CSMD1: variants seen among roughly 807,000 people sequenced by gnomAD.
The protein encoded by CSMD1 is CUB and sushi domain-containing protein 1.
A neutral mutation model predicts 417.5 loss-of-function variants in CSMD1; 213 were observed. The observed-to-expected ratio is 0.51, with a 90% CI of 0.46 to 0.57. The LOEUF is 0.57. CSMD1 is among the 20% of genes least tolerant of loss of function. CSMD1 has a pLI of 0.00. For synonymous variants in CSMD1, 2,862 were observed against 1,736.8 expected, an observed-to-expected ratio of 1.65 and a Z score of -16.11; for missense variants, 6,923 against 4,529.7, an observed-to-expected ratio of 1.53 and a Z score of -15.17.
chr8:3,799,272 G>A (rs1053659981), intron 5 of CSMD1, among the ~76,000 whole-genome samples: 3 of 151,128 alleles, frequency 2.0e-5, no homozygotes, highest in Non-Finnish European at 4.4e-5. Context: ...TATACTTTAA[G>A]TTCTAGGGTA....
intron 7 of CSMD1, among the ~76,000 whole-genome samples, chr8:3,654,369 T>C (rs1798000832): frequency 6.6e-6 from 1 of 152,160 alleles, no homozygotes; most frequent in Non-Finnish European, 1.5e-5. Context: ...AATCAGTTAG[T>C]TTTAGACTGC....
intron 7 of CSMD1, among the ~76,000 whole-genome samples, chr8:3,623,804 T>G (rs1325837383): frequency 6.6e-6 from 1 of 152,064 alleles, no homozygotes; most frequent in East Asian, 1.9e-4. Context: ...GGAGAAACCC[T>G]GTCTCTACTA....
intron 26 of CSMD1, among the ~76,000 whole-genome samples, chr8:3,241,135 T>C (rs1799480598): frequency 6.6e-6 from 1 of 151,642 alleles, no homozygotes; most frequent in Non-Finnish European, 1.5e-5. Context: ...GAGATGTAGC[T>C]GTAGTCCAGG....
At chr8:4,952,011 A>G (rs1808785362) in intron 1 of CSMD1, among the ~76,000 whole-genome samples, 1 of 151,226 alleles carries the variant, frequency 6.6e-6, no homozygotes, top group African/African-American at 2.4e-5. Flanking sequence ...TTTTAATTAT[A>G]TATATAATAT....
intron 2 of CSMD1, among the ~76,000 whole-genome samples, chr8:4,565,416 T>C (rs1798543953): frequency 1.3e-5 from 2 of 152,124 alleles, no homozygotes. Context: ...TGCAGTGGAA[T>C]AATTCAATAG....
intron 7 of CSMD1, among the ~76,000 whole-genome samples, chr8:3,643,832 T>C (rs989077124): frequency 1.3e-5 from 2 of 152,102 alleles, no homozygotes; most frequent in African/African-American, 4.8e-5. Flanking sequence ...TTAAGTTAAT[T>C]AAGCTACCTA....
chr8:4,163,645 G>C (rs1213718396), intron 3 of CSMD1, among the ~76,000 whole-genome samples: 5 of 152,066 alleles, frequency 3.3e-5, no homozygotes, highest in Non-Finnish European at 1.5e-5. Flanking sequence ...ATGGTAAGTG[G>C]AGTAAAATTC....
intron 23 of CSMD1, among the ~76,000 whole-genome samples, chr8:3,310,228 A>C (rs1047041558): frequency 1.3e-5 from 2 of 152,116 alleles, no homozygotes; most frequent in Non-Finnish European, 2.9e-5. Context: ...AAGACATTCA[A>C]TATCATGTAT....
At chr8:4,627,660 A>C (rs1292380231) in intron 2 of CSMD1, among the ~76,000 whole-genome samples, 2 of 151,908 alleles carry the variant, frequency 1.3e-5, no homozygotes, top group Non-Finnish European at 2.9e-5. Flanking sequence ...ATTCCTGGTC[A>C]CTCCAGCTGC....
chr8:4,688,185 G>A (rs566029021), intron 1 of CSMD1, among the ~76,000 whole-genome samples: 3 of 152,250 alleles, frequency 2.0e-5, no homozygotes, highest in Admixed American at 6.5e-5. Flanking sequence ...GTGAGTGTAC[G>A]AGAGTCAAGA....
chr8:4,338,286 T>C (rs545506129), intron 3 of CSMD1, among the ~76,000 whole-genome samples: 8 of 152,280 alleles, frequency 5.3e-5, no homozygotes, highest in African/African-American at 1.9e-4. Context: ...AAGAGTTCAA[T>C]GCAGTAGTTG....
intron 3 of CSMD1, among the ~76,000 whole-genome samples, chr8:4,146,594 ATT>A (rs71205423): frequency 1.1e-4 from 7 of 64,266 alleles, no homozygotes; most frequent in Non-Finnish European, 1.8e-4. Context: ...ATATGGACAC[ATT>A]TTTTTTTTTT....
chr8:3,596,357 A>G (rs1049943077), intron 8 of CSMD1, among the ~76,000 whole-genome samples: 1 of 152,200 alleles, frequency 6.6e-6, no homozygotes, highest in Non-Finnish European at 1.5e-5. Flanking sequence ...GAAGTGACAT[A>G]TATTACTAAC....
At chr8:3,630,651 A>T (rs188845971) in intron 7 of CSMD1, among the ~76,000 whole-genome samples, 44 of 152,290 alleles carry the variant, frequency 2.9e-4, no homozygotes, top group Admixed American at 2.6e-3. Flanking sequence ...CAGCAGACAG[A>T]TTTCATTGCG....
In CSMD1 at chr8:3,825,819, TA is replaced by T. The variant is rs569479776; in HGVS notation, c.819-71778del. ...CAGATGATATGGAATTGAAAGGCTTTAAATCCCATTTAAATATGAAATAGAC... is the reference window on the plus strand; with the variant it reads ...CAGATGATATGGAATTGAAAGGCTTTAATCCCATTTAAATATGAAATAGAC... On this transcript the variant is annotated intron_variant, in intron 5 of 69. Transcript: ENST00000635120. 3.0e-4 allele frequency among the ~76,000 whole-genome samples: 45 copies of T among 152,298 alleles called. No homozygotes were observed. The South Asian group carries it at 7.9e-3, about 27-fold the overall frequency.
At chr8:3,966,211 G>A (rs996271666) in intron 5 of CSMD1, among the ~76,000 whole-genome samples, 1 of 152,098 alleles carries the variant, frequency 6.6e-6, no homozygotes, top group Non-Finnish European at 1.5e-5. Context: ...ATGCCAGATT[G>A]CCAGCTTATT....
At chr8:4,933,604 C>G (rs929291120) in intron 1 of CSMD1, among the ~76,000 whole-genome samples, 1 of 152,118 alleles carries the variant, frequency 6.6e-6, no homozygotes, top group African/African-American at 2.4e-5. Context: ...TCTCCGGCAC[C>G]AAGTGCAGAC....
chr8:4,022,050 T>A (rs1289159642), intron 4 of CSMD1, among the ~76,000 whole-genome samples: 1 of 150,946 alleles, frequency 6.6e-6, no homozygotes. Flanking sequence ...TTTTCATTCT[T>A]TAATATACAG....
chr8:2,994,642 A>G (rs1806716700), intron 54 of CSMD1, among the ~76,000 whole-genome samples: 1 of 152,246 alleles, frequency 6.6e-6, no homozygotes. Context: ...TTTTATCTTT[A>G]TATGGAAAGT....
Sources: allele counts gnomAD v4.1 joint callset (sites outside exome capture counted in the v4.1 genomes callset), GRCh38; gene constraint gnomAD v4.1.1; transcripts MANE v1.5; gene names NCBI Gene and HGNC (gene_info 2026-07-23, HGNC 2026-07-21).